The following GOLGA6L24 variants were observed in gnomAD, a reference collection of about 807,000 sequenced individuals.
GOLGA6L24 encodes the protein golgin A6 family like 24.
the GOLGA6L24 span, among the ~76,000 whole-genome samples, chr15:28,353,374 CTTTTTT>C: frequency 1.4e-5 from 2 of 143,272 alleles, no homozygotes; most frequent in African/African-American, 2.7e-5. Flanking sequence ...TTCTTTCTTT[CTTTTTT>C]TTTTTTTTTT....
the GOLGA6L24 span, chr15:28,350,885 T>G: frequency 2.1e-6 from 1 of 473,956 alleles, no homozygotes. Flanking sequence ...CTTCTCCTGT[T>G]CTTGCATCTT....
chr15:28,355,162 G>T, the GOLGA6L24 span, among the ~76,000 whole-genome samples: 2 of 151,772 alleles, frequency 1.3e-5, no homozygotes, highest in Non-Finnish European at 3.0e-5. Context: ...TCTTGGGGGT[G>T]AGCCTTCTTC....
chr15:28,354,694 T>C, the GOLGA6L24 span: 1 of 1,298,768 alleles, frequency 7.7e-7, no homozygotes, highest in South Asian at 1.2e-5. Flanking sequence ...ATGAGAGACA[T>C]TCAGATGTGG....
the GOLGA6L24 span, among the ~76,000 whole-genome samples, chr15:28,353,467 G>A: frequency 1.3e-5 from 2 of 151,688 alleles, no homozygotes; most frequent in African/African-American, 2.4e-5. Flanking sequence ...CACCTCCGGG[G>A]TTCAAGCAAT....
chr15:28,355,290 A>G, the GOLGA6L24 span, among the ~76,000 whole-genome samples: 2 of 150,680 alleles, frequency 1.3e-5, no homozygotes, highest in Non-Finnish European at 3.0e-5. Context: ...GCTCGGTTCT[A>G]TTGTTTCTGT....
At chr15:28,354,798 G>C in the GOLGA6L24 span, 1 of 1,602,896 alleles carries the variant, frequency 6.2e-7, no homozygotes, top group Non-Finnish European at 8.5e-7. Flanking sequence ...ACAGCATGCT[G>C]GCTGTAGTAA....
chr15:28,354,492 T>A, the GOLGA6L24 span: 3 of 576,690 alleles, frequency 5.2e-6, no homozygotes, highest in Non-Finnish European at 9.0e-6. Context: ...GGACACTCCA[T>A]CCTACAGAAG....
the GOLGA6L24 span, among the ~76,000 whole-genome samples, chr15:28,353,733 G>A: frequency 1.2e-3 from 174 of 149,034 alleles, no homozygotes; most frequent in African/African-American, 4.1e-3. Flanking sequence ...TTGAATTTAG[G>A]GCTGGCTAAC....
the GOLGA6L24 span, chr15:28,355,068 A>C: frequency 1.2e-6 from 2 of 1,602,754 alleles, no homozygotes; most frequent in South Asian, 2.2e-5. Flanking sequence ...AGCAAGAGAC[A>C]TGCCCCCAGA....
the GOLGA6L24 span, chr15:28,350,799 CCTGCTCCCGTATCTTCTCCTT>C: frequency 1.1e-5 from 4 of 360,910 alleles, no homozygotes; most frequent in Admixed American, 7.9e-5. Context: ...ATCTTCTCCT[CCTGCTCCCGTATCTTCTCCTT>C]CTGCTCCCGT....
At chr15:28,353,383 T>G in the GOLGA6L24 span, among the ~76,000 whole-genome samples, 6 of 150,548 alleles carry the variant, frequency 4.0e-5, no homozygotes, top group African/African-American at 1.5e-4. Context: ...TCTTTTTTTT[T>G]TTTTTTTGGC....
At chr15:28,354,772 ACCTT>A in the GOLGA6L24 span, 1 of 1,599,954 alleles carries the variant, frequency 6.3e-7, no homozygotes, top group Non-Finnish European at 8.5e-7. Flanking sequence ...CCAGATTCCC[ACCTT>A]CCAACTGCTT....
At chr15:28,355,562 A>G in the GOLGA6L24 span, among the ~76,000 whole-genome samples, 1 of 25,806 alleles carries the variant, frequency 3.9e-5, no homozygotes, top group Non-Finnish European at 8.5e-5. Context: ...GTGGAGTGCG[A>G]GAAAAGCCCA....
the GOLGA6L24 span, chr15:28,354,773 C>T: frequency 6.3e-7 from 1 of 1,599,966 alleles, no homozygotes; most frequent in Non-Finnish European, 8.5e-7. Flanking sequence ...CAGATTCCCA[C>T]CTTCCAACTG....
At chr15:28,351,013 TATCTTCTCCTCCTGCTTCCAC>T in the GOLGA6L24 span, 2 of 956,918 alleles carry the variant, frequency 2.1e-6, 1 homozygote, top group African/African-American at 5.6e-5. Context: ...CCTGCTCCCT[TATCTTCTCCTCCTGCTTCCAC>T]ATCTTCTCCT....
chr15:28,355,049 A>C, the GOLGA6L24 span: 1 of 1,610,680 alleles, frequency 6.2e-7, no homozygotes, highest in Non-Finnish European at 8.5e-7. Context: ...GGGGAGGCAG[A>C]GATGGCACAG....
the GOLGA6L24 span, chr15:28,354,975 G>A: frequency 1.2e-6 from 2 of 1,611,234 alleles, no homozygotes; most frequent in Non-Finnish European, 1.7e-6. Flanking sequence ...CCTCCTTAGG[G>A]CTTCCTGATG....
At chr15:28,353,434 C>A in the GOLGA6L24 span, among the ~76,000 whole-genome samples, 1 of 151,620 alleles carries the variant, frequency 6.6e-6, no homozygotes, top group East Asian at 1.9e-4. Context: ...TGCAATGGCA[C>A]AATCTCAGCT....
chr15:28,353,374 C>CTTTT, the GOLGA6L24 span, among the ~76,000 whole-genome samples: 1 of 143,320 alleles, frequency 7.0e-6, no homozygotes, highest in South Asian at 2.3e-4. Flanking sequence ...TTCTTTCTTT[C>CTTTT]TTTTTTTTTT....
Sources: allele counts gnomAD v4.1 joint callset (sites outside exome capture counted in the v4.1 genomes callset), GRCh38; gene constraint gnomAD v4.1.1; transcripts MANE v1.5; gene names NCBI Gene and HGNC (gene_info 2026-07-23, HGNC 2026-07-21).